The following ERC2 variants were observed in gnomAD, a reference collection of about 807,000 sequenced individuals.
ERC2 encodes ERC protein 2.
A neutral mutation model predicts 114.8 loss-of-function variants in ERC2; 42 were observed. The ratio of observed to expected loss-of-function variants is 0.37; its 90% CI spans 0.29 to 0.47. ERC2 has a LOEUF of 0.47. Among genes scored for constraint, ERC2 ranks in the 20% least tolerant of loss-of-function variants. The pLI, the probability that ERC2 is intolerant of heterozygous loss-of-function variation, is 0.99. For missense variants in ERC2, 939 were observed against 1,150.7 expected (o/e 0.82, Z 2.66); for synonymous variants, 454 against 425.5 (o/e 1.07, Z -0.82).
chr3:55,641,405 C>T (rs928288873), intron 17 of ERC2, among the ~76,000 whole-genome samples: 3 of 151,984 alleles, frequency 2.0e-5, no homozygotes, highest in Admixed American at 2.0e-4. Flanking sequence ...ATAAAATTAG[C>T]TGGGCATGGT....
intron 13 of ERC2, among the ~76,000 whole-genome samples, chr3:55,933,208 C>CA (rs36050362): frequency 0.58 from 79,753 of 138,102 alleles, 23,042 homozygotes; most frequent in Non-Finnish European, 0.64. Context: ...GACTTTGTCT[C>CA]AAAAAAAAAA....
intron 3 of ERC2, among the ~76,000 whole-genome samples, chr3:56,244,030 G>A (rs1335722390): frequency 6.6e-6 from 1 of 152,096 alleles, no homozygotes; most frequent in African/African-American, 2.4e-5. Flanking sequence ...CTACTGTAAA[G>A]ATACTTATAA....
intron 15 of ERC2, among the ~76,000 whole-genome samples, chr3:55,721,765 G>T (rs758004384): frequency 6.6e-6 from 1 of 152,202 alleles, no homozygotes; most frequent in African/African-American, 2.4e-5. Context: ...ATCTCAGCGA[G>T]CATTAGACCC....
chr3:56,268,807 G>A (rs540945111), intron 3 of ERC2, among the ~76,000 whole-genome samples: 43 of 152,124 alleles, frequency 2.8e-4, no homozygotes, highest in Non-Finnish European at 5.3e-4. Flanking sequence ...AAAACGTATC[G>A]CTTTACAAGT....
intron 16 of ERC2, among the ~76,000 whole-genome samples, chr3:55,694,368 G>C (rs1697102388): frequency 6.6e-6 from 1 of 152,182 alleles, no homozygotes; most frequent in Non-Finnish European, 1.5e-5. Flanking sequence ...TACCTCGTAA[G>C]GGCCAGACAT....
At chr3:55,743,593 CA>C (rs367859231) in intron 14 of ERC2, among the ~76,000 whole-genome samples, 1,117 of 97,162 alleles carry the variant, frequency 0.011, 6 homozygotes, top group South Asian at 0.022. Flanking sequence ...CCTGATCCAC[CA>C]AAAAAAAAAA....
intron 3 of ERC2, among the ~76,000 whole-genome samples, chr3:56,191,838 C>A (rs530394205): frequency 2.1e-4 from 32 of 152,168 alleles, no homozygotes; most frequent in African/African-American, 7.5e-4. Flanking sequence ...CGGATGAACT[C>A]AAATCTCATC....
chr3:55,956,421 C>T (rs2067958634), intron 12 of ERC2, among the ~76,000 whole-genome samples: 2 of 148,340 alleles, frequency 1.3e-5, no homozygotes, highest in South Asian at 4.2e-4. Flanking sequence ...GAAGCTTTTA[C>T]TTGTAACCAC....
At chr3:56,431,596 A>C in intron 2 of ERC2, among the ~76,000 whole-genome samples, 1 of 152,192 alleles carries the variant, frequency 6.6e-6, no homozygotes, top group East Asian at 1.9e-4. Flanking sequence ...TACTGCAGCA[A>C]AACTTACCCT....
At chr3:55,782,711 A>G (rs1342477189) in intron 14 of ERC2, among the ~76,000 whole-genome samples, 1 of 152,196 alleles carries the variant, frequency 6.6e-6, no homozygotes, top group Non-Finnish European at 1.5e-5. Context: ...AGCAAGGCCA[A>G]CTGACAATAT....
chr3:56,183,862 T>C (rs2083433354), intron 3 of ERC2, among the ~76,000 whole-genome samples: 3 of 152,092 alleles, frequency 2.0e-5, no homozygotes, highest in Admixed American at 2.0e-4. Flanking sequence ...GGGCAGAATG[T>C]ATTAGCCCAT....
At chr3:56,021,489 C>A (rs1392435653) in intron 7 of ERC2, among the ~76,000 whole-genome samples, 1 of 151,858 alleles carries the variant, frequency 6.6e-6, no homozygotes, top group Non-Finnish European at 1.5e-5. Context: ...ATAAATAAAA[C>A]AAATGCCTAC....
intron 2 of ERC2, among the ~76,000 whole-genome samples, chr3:56,316,928 T>C (rs1279814047): frequency 1.3e-5 from 2 of 152,268 alleles, no homozygotes; most frequent in East Asian, 3.8e-4. Flanking sequence ...CATTCATTTC[T>C]GCCACAACCA....
At chr3:55,739,445 C>T (rs76977322) in intron 14 of ERC2, among the ~76,000 whole-genome samples, 2,221 of 152,186 alleles carry the variant, frequency 0.015, 29 homozygotes, top group East Asian at 0.038. Flanking sequence ...TTTTAATGAT[C>T]GCCATTCTAA....
chr3:56,294,297 T>G (rs1207332499), intron 3 of ERC2, among the ~76,000 whole-genome samples: 2 of 152,378 alleles, frequency 1.3e-5, no homozygotes, highest in East Asian at 3.9e-4. Flanking sequence ...TCTCACAGTT[T>G]CTGTGTGTCA....
At chr3:55,942,651 C>CA (rs1303730705) in intron 13 of ERC2, among the ~76,000 whole-genome samples, 1 of 152,010 alleles carries the variant, frequency 6.6e-6, no homozygotes, top group African/African-American at 2.4e-5. Flanking sequence ...CCTTGTAGGG[C>CA]TTTTTCCAGG....
At chr3:56,157,967 C>G (rs2081829535) in intron 4 of ERC2, among the ~76,000 whole-genome samples, 1 of 152,116 alleles carries the variant, frequency 6.6e-6, no homozygotes. Context: ...AATTGCAATC[C>G]CTAAATAAAC....
rs77829989 is a variant in ERC2 at position 55,979,596 on chromosome 3, G to A, written c.2267+6381C>T. Among the ~76,000 whole-genome samples, 83 of 152,204 alleles carry A rather than the reference G, an allele frequency of 5.5e-4. No homozygotes were observed. In the East Asian group the frequency reaches 0.013, roughly 24 times the overall value. Reference sequence around the variant, plus strand: ...CATAAATTATTGTACATACAGCTCCGTATATGCCAGTAAGAGAGGTACTTA... The same window carrying A: ...CATAAATTATTGTACATACAGCTCCATATATGCCAGTAAGAGAGGTACTTA... On this transcript the variant is annotated intron_variant, in intron 12 of 17. Transcript: ENST00000288221.
chr3:56,397,837 G>T (rs1044845486), intron 2 of ERC2, among the ~76,000 whole-genome samples: 1 of 152,188 alleles, frequency 6.6e-6, no homozygotes, highest in Admixed American at 6.5e-5. Flanking sequence ...ACTCCGCCAT[G>T]CATGGCCTCA....
Sources: allele counts gnomAD v4.1 joint callset (sites outside exome capture counted in the v4.1 genomes callset), GRCh38; gene constraint gnomAD v4.1.1; transcripts MANE v1.5; gene names NCBI Gene and HGNC (gene_info 2026-07-23, HGNC 2026-07-21).